DIP2B: variants seen among roughly 807,000 people sequenced by gnomAD.
The protein encoded by DIP2B is DIP2 acetate--CoA ligase B (putative), also known as disco-interacting protein 2 homolog B.
A neutral mutation model predicts 198.0 loss-of-function variants in DIP2B; 76 were observed. That is an observed-to-expected ratio of 0.38 (90% CI 0.32 to 0.46). The LOEUF (loss-of-function observed/expected upper bound fraction) is 0.46. Among genes scored for constraint, DIP2B ranks in the 20% least tolerant of loss-of-function variants. The pLI is 0.99. For synonymous variants in DIP2B, 701 were observed against 739.1 expected (o/e 0.95, Z 0.84); for missense variants, 1,559 against 1,978.4 (o/e 0.79, Z 4.02).
chr12:50,725,550 ACT>A lies in DIP2B; in HGVS notation c.3400+669_3400+670del, dbSNP rs144192251. Among the ~76,000 whole-genome samples, 298 of 152,164 alleles carry A rather than the reference ACT, an allele frequency of 2.0e-3. 2 individuals carry two copies. Among genetic ancestry groups the A allele is most frequent in the African/African-American group, 6.7e-3 (276 of 41,490 alleles). ...GGGTTTAAGTCCTGCTGTATCTGCT[ACT>A]CTCTGAGTATCCGTACTAACCTGTC... On this transcript the variant is annotated intron_variant, in intron 28 of 37. Transcript: ENST00000301180.
chr12:50,543,160 C>T (rs1958341638), intron 1 of DIP2B, among the ~76,000 whole-genome samples: 1 of 152,178 alleles, frequency 6.6e-6, no homozygotes, highest in Admixed American at 6.5e-5. Flanking sequence ...AGGCGTGAGC[C>T]ACCGTGCCTG....
At chr12:50,698,643 T>G (rs1939362057) in intron 18 of DIP2B, among the ~76,000 whole-genome samples, 176 bp downstream of exon 18, 1 of 152,218 alleles carries the variant, frequency 6.6e-6, no homozygotes. Flanking sequence ...CTTCCAGCAG[T>G]ATTGTATGAC....
At chr12:50,705,930 G>A (rs1041783895) in intron 20 of DIP2B, among the ~76,000 whole-genome samples, 1 of 152,208 alleles carries the variant, frequency 6.6e-6, no homozygotes, top group Admixed American at 6.5e-5. Flanking sequence ...TTAATTTGCT[G>A]CAAATGAGTC....
chr12:50,701,237 T>C (rs1466371760), intron 19 of DIP2B, among the ~76,000 whole-genome samples: 2 of 152,238 alleles, frequency 1.3e-5, no homozygotes, highest in African/African-American at 4.8e-5. Context: ...AGGACAAAGC[T>C]AGTATCTGGG....
chr12:50,713,129 A>G (rs1406732344), intron 22 of DIP2B, among the ~76,000 whole-genome samples: 2 of 152,164 alleles, frequency 1.3e-5, no homozygotes, highest in Non-Finnish European at 1.5e-5. Flanking sequence ...AAATTAAAAT[A>G]TAGAGATGGG....
intron 1 of DIP2B, among the ~76,000 whole-genome samples, chr12:50,614,364 C>T (rs1351125588): frequency 6.6e-6 from 1 of 152,042 alleles, no homozygotes; most frequent in Admixed American, 6.6e-5. Context: ...GTTAGTTTAC[C>T]CCAGGATTCC....
chr12:50,579,150 C>T (rs1407662581), intron 1 of DIP2B, among the ~76,000 whole-genome samples: 1 of 152,042 alleles, frequency 6.6e-6, no homozygotes, highest in Admixed American at 6.6e-5. Flanking sequence ...ATCATTTCTA[C>T]TTGAAAGAAT....
At chr12:50,710,487 G>A (rs1342347883) in intron 22 of DIP2B, among the ~76,000 whole-genome samples, 1 of 151,734 alleles carries the variant, frequency 6.6e-6, no homozygotes, top group Non-Finnish European at 1.5e-5. Context: ...GCAATGGCAC[G>A]ATCTTGACTC....
Position 50,732,378 on chromosome 12 carries a change from A to G in DIP2B, c.3823A>G (p.Asn1275Asp). ...QVEVLKTRGINLSCVRTCVVV... is the reference protein window; with the variant it reads ...QVEVLKTRGIDLSCVRTCVVV... ...TGGTGTCTTGCAGACCAGAGGGATC[A>G]ACCTCTCCTGCGTCCGGACCTGTGT... The change falls in exon 32 of 38, where the codon AAC becomes GAC. Residue 1275 changes from asparagine to aspartate, a missense_variant. Physicochemically the swap from Asn to Asp is conservative, Grantham distance 23 (BLOSUM62 1). Coordinates refer to ENST00000301180, the MANE Select transcript of DIP2B (RefSeq NM_173602.3). The G allele has an allele frequency of 6.2e-7, 1 of 1,614,226 alleles. No homozygotes were observed. The highest frequency in any genetic ancestry group is 8.5e-7 in the Non-Finnish European group (1 of 1,180,030).
At chr12:50,565,170 A>G (rs1400161744) in intron 1 of DIP2B, among the ~76,000 whole-genome samples, 1 of 151,562 alleles carries the variant, frequency 6.6e-6, no homozygotes, top group Non-Finnish European at 1.5e-5. Context: ...ACCTGCTTTT[A>G]TTTTTTTGTG....
intron 1 of DIP2B, among the ~76,000 whole-genome samples, chr12:50,623,566 TAAAC>T (rs1329835123): frequency 6.6e-6 from 1 of 151,640 alleles, no homozygotes; most frequent in African/African-American, 2.4e-5. Flanking sequence ...CACCCAAGGA[TAAAC>T]AATTTAGTAT....
chr12:50,595,225 G>A (rs1223077273), intron 1 of DIP2B, among the ~76,000 whole-genome samples: 7 of 152,172 alleles, frequency 4.6e-5, no homozygotes, highest in Admixed American at 1.3e-4. Flanking sequence ...GCACACAGTC[G>A]TACATTCTCT....
At chr12:50,673,944 A>G (rs1188973941) in intron 5 of DIP2B, among the ~76,000 whole-genome samples, 1 of 152,204 alleles carries the variant, frequency 6.6e-6, no homozygotes, top group African/African-American at 2.4e-5. Context: ...TCCGTAGGTA[A>G]AAGTTAAAAG....
chr12:50,720,199 A>AT (rs1939809183), intron 25 of DIP2B, among the ~76,000 whole-genome samples: 1 of 152,064 alleles, frequency 6.6e-6, no homozygotes, highest in Admixed American at 6.6e-5. Flanking sequence ...AAGTGCTAGG[A>AT]TTATAGGCTT....
At chr12:50,630,385 G>C (rs1053551196) in intron 2 of DIP2B, among the ~76,000 whole-genome samples, 1 of 151,456 alleles carries the variant, frequency 6.6e-6, no homozygotes, top group Non-Finnish European at 1.5e-5. Context: ...CTCTCTCTCT[G>C]ACAGATCTGT....
chr12:50,674,743 C>T (rs1938916076), intron 6 of DIP2B, 114 bp downstream of exon 6: 2 of 1,298,708 alleles, frequency 1.5e-6, no homozygotes, highest in Admixed American at 4.5e-5. Context: ...TTGTAGTTGG[C>T]CCACTAATAA....
intron 18 of DIP2B, among the ~76,000 whole-genome samples, chr12:50,698,810 C>G (rs1240650977): frequency 6.6e-6 from 1 of 152,180 alleles, no homozygotes; most frequent in Non-Finnish European, 1.5e-5. Context: ...TTTGACCTGC[C>G]TAAGGGTAAC....
chr12:50,600,931 C>CACCACCACT (rs1319283649), intron 1 of DIP2B, among the ~76,000 whole-genome samples: 2 of 144,904 alleles, frequency 1.4e-5, no homozygotes, highest in African/African-American at 5.6e-5. Flanking sequence ...CCACCACCAC[C>CACCACCACT]ACCACCACTA....
chr12:50,637,108 T>G (rs1938174721), intron 2 of DIP2B, among the ~76,000 whole-genome samples: 2 of 152,098 alleles, frequency 1.3e-5, no homozygotes, highest in Admixed American at 6.5e-5. Flanking sequence ...GGCCCTATAA[T>G]GATTCAAGGT....
Sources: gnomAD v4.1 joint callset for allele counts (sites outside exome capture counted in the v4.1 genomes callset) on GRCh38, gnomAD v4.1.1 for gene constraint, MANE v1.5 for transcripts, NCBI Gene and HGNC (gene_info 2026-07-23, HGNC 2026-07-21) for gene names.